SOBP: variants seen among roughly 807,000 people sequenced by gnomAD.
The protein encoded by SOBP is sine oculis-binding protein homolog.
In SOBP, 4 loss-of-function variants were observed where a neutral mutation model predicts 53.6. The observed-to-expected ratio is 0.07, with a 90% CI of 0.04 to 0.17. The LOEUF (loss-of-function observed/expected upper bound fraction) is 0.17. Among genes scored for constraint, SOBP ranks in the 10% least tolerant of loss-of-function variants. The pLI is 1.00. For missense variants in SOBP, 1,088 were observed against 1,204.7 expected (o/e 0.90, Z 1.43); for synonymous variants, 584 against 522.6 (o/e 1.12, Z -1.60).
rs1286847140 is a variant in SOBP, at chr6:107,610,798, A to ACG, written c.670-22715_670-22714insGC. Among the ~76,000 whole-genome samples the ACG allele has an allele frequency of 2.1e-3, 115 of 53,528 alleles. 1 individual carries two copies. The East Asian group carries it at 0.078, about 36-fold the overall frequency. The allele number at this position is 53,528 out of a possible 152,430, so 35.1% of individuals were successfully genotyped here. A position where few individuals can be genotyped will look rare whatever the true frequency, so the allele number is the denominator to read the frequency against. ...TGTGTGCGCACGTGTGTGCACACGC[A>ACG]CACACACACACACACACACACACAC... On this transcript the variant is annotated intron_variant, in intron 5 of 6. Transcript: ENST00000317357.
At chr6:107,525,134 CTG>C (rs1220362780) in intron 3 of SOBP, among the ~76,000 whole-genome samples, 7 of 152,190 alleles carry the variant, frequency 4.6e-5, no homozygotes, top group Admixed American at 2.6e-4. Flanking sequence ...GCATACAAGA[CTG>C]TGGATTTTCC....
At chr6:107,554,158 A>G (rs373553059) in intron 4 of SOBP, among the ~76,000 whole-genome samples, 1 of 152,170 alleles carries the variant, frequency 6.6e-6, no homozygotes, top group Non-Finnish European at 1.5e-5. Context: ...CCCTCCAGTA[A>G]TAAACTTTAC....
At chr6:107,625,787 T>C (rs2115127623) in intron 5 of SOBP, among the ~76,000 whole-genome samples, 1 of 152,358 alleles carries the variant, frequency 6.6e-6, no homozygotes, top group Non-Finnish European at 1.5e-5. Context: ...TGCTTAGTTG[T>C]GTTGTGGAAC....
At chr6:107,519,892 A>G (rs1783430324) in intron 3 of SOBP, among the ~76,000 whole-genome samples, 1 of 152,124 alleles carries the variant, frequency 6.6e-6, no homozygotes, top group South Asian at 2.1e-4. Context: ...CAAGTCTTTG[A>G]CTCAGATTCT....
intron 4 of SOBP, among the ~76,000 whole-genome samples, chr6:107,586,488 G>A (rs1479373929): frequency 6.6e-6 from 1 of 150,772 alleles, no homozygotes; most frequent in Non-Finnish European, 1.5e-5. Flanking sequence ...AAAATAACCA[G>A]TAACTTTTAA....
chr6:107,589,613 T>C (rs1785679898), intron 5 of SOBP, among the ~76,000 whole-genome samples: 2 of 152,258 alleles, frequency 1.3e-5, no homozygotes, highest in South Asian at 4.1e-4. Flanking sequence ...CAAACTGTGA[T>C]ATGTGCCTTC....
At chr6:107,551,906 A>G (rs1784469816) in intron 4 of SOBP, among the ~76,000 whole-genome samples, 1 of 152,158 alleles carries the variant, frequency 6.6e-6, no homozygotes. Flanking sequence ...CTGTAATCCC[A>G]GCTACTTGGG....
At chr6:107,507,603 G>A (rs979791707) in intron 3 of SOBP, among the ~76,000 whole-genome samples, 16 of 151,976 alleles carry the variant, frequency 1.1e-4, no homozygotes, top group Non-Finnish European at 1.8e-4. Flanking sequence ...ACCATTCCGG[G>A]CCCTAAAACA....
At chr6:107,609,313 C>A (rs1583268763) in intron 5 of SOBP, among the ~76,000 whole-genome samples, 1 of 152,084 alleles carries the variant, frequency 6.6e-6, no homozygotes, top group African/African-American at 2.4e-5. Flanking sequence ...CTTTGCACCC[C>A]CTGGGGTACC....
At chr6:107,612,457 G>A (rs1179728376) in intron 5 of SOBP, among the ~76,000 whole-genome samples, 1 of 152,212 alleles carries the variant, frequency 6.6e-6, no homozygotes, top group African/African-American at 2.4e-5. Context: ...ACTTAGAGCA[G>A]CAGTTTCAAA....
chr6:107,521,784 C>T (rs1783496192), intron 3 of SOBP, among the ~76,000 whole-genome samples: 1 of 152,038 alleles, frequency 6.6e-6, no homozygotes, highest in South Asian at 2.1e-4. Context: ...CAAGGTGCAC[C>T]TAGTAAGGAT....
intron 6 of SOBP, among the ~76,000 whole-genome samples, chr6:107,638,195 T>TTTA (rs1771137488): frequency 6.6e-6 from 1 of 150,938 alleles, no homozygotes; most frequent in Non-Finnish European, 1.5e-5. Context: ...TCCTGGTTTG[T>TTTA]TTTATTTATT....
chr6:107,534,057 G>T (rs567361489), intron 4 of SOBP, among the ~76,000 whole-genome samples: 1 of 152,232 alleles, frequency 6.6e-6, no homozygotes, highest in African/African-American at 2.4e-5. Context: ...TCAAAATCTG[G>T]CCCACGAGTT....
chr6:107,555,348 A>T (rs1323672778), intron 4 of SOBP, among the ~76,000 whole-genome samples: 1 of 152,130 alleles, frequency 6.6e-6, no homozygotes, highest in African/African-American at 2.4e-5. Context: ...CCTCTTTCCC[A>T]TTCCACTGTC....
At chr6:107,506,098 G>T (rs756369467) in intron 2 of SOBP, 144 bp from the exon 3 acceptor site, 16 of 713,794 alleles carry the variant, frequency 2.2e-5, no homozygotes, top group Non-Finnish European at 3.1e-5. Context: ...TGGATGAACT[G>T]TGGAGTTCTA....
intron 4 of SOBP, among the ~76,000 whole-genome samples, chr6:107,546,843 ATTCAT>A (rs1784315840): frequency 6.6e-6 from 1 of 152,340 alleles, no homozygotes; most frequent in Non-Finnish European, 1.5e-5. Context: ...AATCCAAGTA[ATTCAT>A]TTAGAGTTTG....
intron 5 of SOBP, among the ~76,000 whole-genome samples, chr6:107,616,077 A>AGGGGGGG (rs1301217995): frequency 9.0e-5 from 1 of 11,172 alleles, no homozygotes. Context: ...TCATTGAGGA[A>AGGGGGGG]GGGGGGTGGG....
intron 4 of SOBP, among the ~76,000 whole-genome samples, chr6:107,582,013 T>C (rs1785418887): frequency 6.6e-6 from 1 of 152,180 alleles, no homozygotes; most frequent in Admixed American, 6.5e-5. Context: ...TCTTTGCTTG[T>C]TTTCAAAAGA....
intron 6 of SOBP, among the ~76,000 whole-genome samples, chr6:107,656,351 AAGAAAGAAAGAAAGAAAGT>A (rs1772061706): frequency 2.9e-5 from 1 of 34,622 alleles, no homozygotes; most frequent in Non-Finnish European, 1.4e-4. Flanking sequence ...AAGAGAAAGA[AAGAAAGAAAGAAAGAAAGT>A]AAGTCAAATG....
Sources: gnomAD v4.1 joint callset for allele counts (sites outside exome capture counted in the v4.1 genomes callset) on GRCh38, gnomAD v4.1.1 for gene constraint, MANE v1.5 for transcripts, NCBI Gene and HGNC (gene_info 2026-07-23, HGNC 2026-07-21) for gene names.